The following MTERF4 variants were observed in gnomAD, a reference collection of about 807,000 sequenced individuals.
MTERF4 encodes the protein mitochondrial transcription termination factor 4, also known as transcription termination factor 4, mitochondrial.
In MTERF4, 17 loss-of-function variants were observed where a neutral mutation model predicts 22.5. The observed-to-expected ratio is 0.75, with a 90% CI of 0.52 to 1.13. The LOEUF is 1.13. Ranked by LOEUF, MTERF4 falls within the 50% of genes most tolerant of loss-of-function variation. The probability of loss-of-function intolerance (pLI) is 0.00; values close to 1 mark genes in which losing one functional copy is unlikely to be tolerated. For synonymous variants in MTERF4, 165 were observed against 175.3 expected (o/e 0.94, Z 0.47); for missense variants, 420 against 466.8 (o/e 0.90, Z 0.92).
intron 4 of MTERF4, chr2:241,081,819 G>T (rs775766234): frequency 6.6e-7 from 1 of 1,514,082 alleles, no homozygotes; most frequent in Non-Finnish European, 9.0e-7. Flanking sequence ...GCCTCAGGGC[G>T]CCCCTTCCAA....
downstream of MTERF4, chr2:241,071,449 C>A: frequency 1.8e-6 from 2 of 1,118,270 alleles, no homozygotes; most frequent in Non-Finnish European, 2.6e-6. Flanking sequence ...GACCACGGCC[C>A]ACGCACATGC....
At chr2:241,099,971 G>C (rs1172437717) in intron 1 of MTERF4, 77 bp from the exon 2 acceptor site, 1 of 1,507,694 alleles carries the variant, frequency 6.6e-7, no homozygotes, top group Admixed American at 2.1e-5. Context: ...TTCTGAGCCA[G>C]AGTACTTACT....
chr2:241,098,911 C>G (rs1481123589), intron 2 of MTERF4, among the ~76,000 whole-genome samples: 1 of 152,010 alleles, frequency 6.6e-6, no homozygotes, highest in African/African-American at 2.4e-5. Flanking sequence ...AACTCCTCCT[C>G]CTTCCCTCTC....
chr2:241,079,749 TATC>T (rs1340275010), intron 4 of MTERF4, among the ~76,000 whole-genome samples: 5 of 151,158 alleles, frequency 3.3e-5, no homozygotes, highest in African/African-American at 4.8e-5. Flanking sequence ...AGGAAAAAAA[TATC>T]ATTGCAAGCG....
intron 1 of MTERF4, 195 bp downstream of exon 1, chr2:241,102,058 A>AAT: frequency 1.4e-6 from 1 of 719,716 alleles, no homozygotes; most frequent in South Asian, 1.9e-5. Context: ...TCTCAAAAAA[A>AAT]AAAAATGTCA....
rs1435627660 is a variant in MTERF4, at chr2:241,078,330, G to C, written n.480-2648C>G. Reference sequence around the variant, plus strand: ...CCCGGGAGGTGGAGTTTGCAGTGAGGTGAGATCGCGCCACTGCACTGCAGC... The same window carrying C: ...CCCGGGAGGTGGAGTTTGCAGTGAGCTGAGATCGCGCCACTGCACTGCAGC... On this transcript the variant is annotated intron_variant and non_coding_transcript_variant, in intron 4 of 4. Transcript: ENST00000464344. 1.4e-4 allele frequency among the ~76,000 whole-genome samples: 21 copies of C among 150,426 alleles called. No homozygotes were observed. The East Asian group carries it at 4.1e-3, about 29-fold the overall frequency.
At chr2:241,059,508 C>G in the MTERF4 span, among the ~76,000 whole-genome samples, 1 of 152,174 alleles carries the variant, frequency 6.6e-6, no homozygotes, top group Non-Finnish European at 1.5e-5. Flanking sequence ...ACTGGTATCT[C>G]TCAAGAACAT....
At chr2:241,089,849 T>C (rs894012296), downstream of MTERF4, 15 of 1,408,530 alleles carry the variant, frequency 1.1e-5, no homozygotes, top group African/African-American at 7.2e-5. Flanking sequence ...GCAGAGCCCA[T>C]GCTCCCGGGC....
chr2:241,071,849 C>T (rs777017962), downstream of MTERF4: 19 of 1,605,490 alleles, frequency 1.2e-5, no homozygotes, highest in African/African-American at 5.3e-5. Flanking sequence ...TTCGGTGGCT[C>T]ACCCAGCAAA....
chr2:241,069,177 C>T (rs902179675), downstream of MTERF4, among the ~76,000 whole-genome samples: 2 of 152,228 alleles, frequency 1.3e-5, no homozygotes. The surrounding 1 kb of genome is among the most constrained non-coding windows in gnomAD (Gnocchi z 4.9). Context: ...GGCCACTGGG[C>T]AGGAGCCGCT....
At chr2:241,071,440 A>T (rs2062709704), downstream of MTERF4, 1 of 1,017,822 alleles carries the variant, frequency 9.8e-7, no homozygotes, top group East Asian at 2.6e-5. Flanking sequence ...ACCTTGGATG[A>T]CCACGGCCCA....
At chr2:241,099,235 C>G (rs1246374270) in intron 2 of MTERF4, 161 bp downstream of exon 2, 23 of 753,380 alleles carry the variant, frequency 3.1e-5, no homozygotes, top group Admixed American at 3.0e-5. Flanking sequence ...CCACCAAGCC[C>G]AGCTAATTTT....
chr2:241,089,772 C>A (rs2063790230), downstream of MTERF4, among the ~76,000 whole-genome samples: 1 of 152,230 alleles, frequency 6.6e-6, no homozygotes, highest in Non-Finnish European at 1.5e-5. Flanking sequence ...TTCATCTGGG[C>A]GAACATCATA....
chr2:241,061,722 T>C, the MTERF4 span, among the ~76,000 whole-genome samples: 1 of 151,720 alleles, frequency 6.6e-6, no homozygotes, highest in African/African-American at 2.4e-5. Flanking sequence ...CCATCTCTAC[T>C]AAAAATACAA....
At chr2:241,094,109 T>G (rs1318991370), downstream of MTERF4, 1 of 351,254 alleles carries the variant, frequency 2.8e-6, no homozygotes, top group African/African-American at 2.2e-5. This position sits in a 1 kb window ranked among gnomAD's most constrained non-coding sequence, Gnocchi z 4.3. Context: ...GTGAAATGTC[T>G]CATTTCCAAA....
chr2:241,048,598 C>T, the MTERF4 span: 2 of 1,521,312 alleles, frequency 1.3e-6, no homozygotes, highest in African/African-American at 2.7e-5. Flanking sequence ...AGGGCAGGGT[C>T]TGGAGCGAGG....
the MTERF4 span, chr2:241,052,125 C>T: frequency 2.5e-6 from 4 of 1,613,826 alleles, no homozygotes; most frequent in Non-Finnish European, 3.4e-6. Flanking sequence ...TGTGACTGTC[C>T]CCCAGGCTTC....
At chr2:241,050,224 A>C in the MTERF4 span, among the ~76,000 whole-genome samples, 2 of 152,198 alleles carry the variant, frequency 1.3e-5, no homozygotes, top group African/African-American at 2.4e-5. Flanking sequence ...CATTATATCA[A>C]ATTTTATTTT....
chr2:241,050,006 C>T, the MTERF4 span: 1 of 1,074,426 alleles, frequency 9.3e-7, no homozygotes, highest in Non-Finnish European at 1.4e-6. Context: ...TCCTGCTTCT[C>T]TGCTGTCTCT....
Sources: allele counts gnomAD v4.1 joint callset (sites outside exome capture counted in the v4.1 genomes callset), GRCh38; gene constraint gnomAD v4.1.1; non-coding constraint Gnocchi (gnomAD v3.1); transcripts MANE v1.5; gene names NCBI Gene and HGNC (gene_info 2026-07-23, HGNC 2026-07-21).